TRHDE: variants seen among roughly 807,000 people sequenced by gnomAD.
TRHDE encodes the protein thyrotropin-releasing hormone-degrading ectoenzyme.
A neutral mutation model predicts 125.7 loss-of-function variants in TRHDE; 72 were observed. The observed-to-expected ratio is 0.57, with a 90% CI of 0.47 to 0.70. TRHDE has a LOEUF of 0.70. TRHDE is among the 30% of genes least tolerant of loss of function. The pLI is 0.00. For synonymous variants in TRHDE, 509 were observed against 509.1 expected (o/e 1.00, Z 0.00); for missense variants, 1,110 against 1,327.1 (o/e 0.84, Z 2.54).
intron 2 of TRHDE, among the ~76,000 whole-genome samples, chr12:72,178,432 T>A (rs886414214): frequency 6.6e-6 from 1 of 152,142 alleles, no homozygotes; most frequent in African/African-American, 2.4e-5. Flanking sequence ...AACTGATTTT[T>A]AAAAATCTTG....
At chr12:72,245,870 A>G (rs746597151) in intron 2 of TRHDE, among the ~76,000 whole-genome samples, 2 of 152,114 alleles carry the variant, frequency 1.3e-5, no homozygotes, top group Non-Finnish European at 2.9e-5. Flanking sequence ...TCATACACAT[A>G]CACCTATATT....
Position 72,670,289 on chromosome 12 carries a change from T to G in TRHDE, c.*7094T>G, listed in dbSNP as rs1875216739. On this transcript the variant is annotated 3_prime_UTR_variant, in exon 19 of 19. Transcript: ENST00000261180. ...TTAGCAGATAAATGTTTTCAATGTA[T>G]GCCTTTAAAATTATTCAGTAAAAAT... The G allele has an allele frequency of 6.6e-6, 1 of 151,798 alleles. No homozygotes were observed. Among genetic ancestry groups the G allele is most frequent in the Admixed American group, 6.6e-5 (1 of 15,194 alleles). The allele number at this position is 151,798 out of a possible 1,614,324, so 9.4% of individuals were successfully genotyped here.
At chr12:72,108,751 TAAAAC>T (rs1176086184) in intron 2 of TRHDE, among the ~76,000 whole-genome samples, 1 of 152,034 alleles carries the variant, frequency 6.6e-6, no homozygotes, top group African/African-American at 2.4e-5. Flanking sequence ...TACGGGAACA[TAAAAC>T]AAAATTTGAC....
At chr12:72,604,302 C>G (rs916626250) in intron 12 of TRHDE, among the ~76,000 whole-genome samples, 1 of 151,974 alleles carries the variant, frequency 6.6e-6, no homozygotes, top group African/African-American at 2.4e-5. Flanking sequence ...AATCAAGCAG[C>G]AGGTGTTAAG....
At chr12:72,386,644 A>T (rs144132060) in intron 3 of TRHDE, among the ~76,000 whole-genome samples, 2 of 152,180 alleles carry the variant, frequency 1.3e-5, no homozygotes, top group East Asian at 3.9e-4. Flanking sequence ...GCTTGAAAGG[A>T]TTGTCCATCT....
At chr12:72,089,557 T>C (rs1395525377) in intron 1 of TRHDE, among the ~76,000 whole-genome samples, 3 of 152,206 alleles carry the variant, frequency 2.0e-5, no homozygotes, top group African/African-American at 7.2e-5. Context: ...TAAAATGCTC[T>C]TCCTTCATGT....
intron 2 of TRHDE, among the ~76,000 whole-genome samples, chr12:72,150,763 G>T (rs550779249): frequency 7.9e-5 from 12 of 152,098 alleles, no homozygotes; most frequent in South Asian, 2.1e-4. Context: ...ATTCCATGGT[G>T]TATATGTGCC....
chr12:72,246,958 T>C (rs1428648923), intron 2 of TRHDE, among the ~76,000 whole-genome samples: 5 of 152,226 alleles, frequency 3.3e-5, no homozygotes, highest in African/African-American at 9.6e-5. Context: ...ATCAAAATCA[T>C]GATTAATTCA....
Position 72,520,534 on chromosome 12 carries a change from C to G in TRHDE, c.1722+20899C>G, listed in dbSNP as rs556946595. 1.5e-3 allele frequency among the ~76,000 whole-genome samples: 231 copies of G among 152,280 alleles called. 2 individuals carry two copies. Among genetic ancestry groups the G allele is most frequent in the African/African-American group, 5.4e-3 (225 of 41,572 alleles). ...GTGCGCGCACCCACTGACCTGCGCC[C>G]ACTCTCTGGCACTCCCTAGTGAGAT... On this transcript the variant is annotated intron_variant, in intron 6 of 18. Coordinates refer to ENST00000261180, the MANE Select transcript of TRHDE (RefSeq NM_013381.3).
chr12:72,594,501 A>AGTT (rs1419030111), intron 12 of TRHDE, among the ~76,000 whole-genome samples: 1 of 113,188 alleles, frequency 8.8e-6, no homozygotes, highest in Non-Finnish European at 1.7e-5. Context: ...TACAGATGTG[A>AGTT]GTTTTTTTTT....
At chr12:72,601,119 T>C (rs1872188167) in intron 12 of TRHDE, among the ~76,000 whole-genome samples, 1 of 152,064 alleles carries the variant, frequency 6.6e-6, no homozygotes, top group Non-Finnish European at 1.5e-5. Context: ...ACATTTATGA[T>C]TTATGGGAGG....
At chr12:72,115,181 TTCTA>T (rs1726215819) in intron 2 of TRHDE, among the ~76,000 whole-genome samples, 1 of 152,166 alleles carries the variant, frequency 6.6e-6, no homozygotes, top group South Asian at 2.1e-4. Context: ...ATCTTATTTA[TTCTA>T]TCTAACTATA....
At position 72,166,793 on chromosome 12, in the gene TRHDE, T is replaced by C. The variant is rs138143682; in HGVS notation, n.279+61041T>C. 7.1e-3 allele frequency among the ~76,000 whole-genome samples: 1,077 copies of C among 152,162 alleles called. 6 individuals carry two copies. Among genetic ancestry groups the C allele is most frequent in the Non-Finnish European group, 0.011 (716 of 68,000 alleles). ...GGCTGCTGAAGCATTACAGCTTTGC[T>C]CAGGGGGGTTAATGAAAGACAGAGG... is the stretch of plus-strand genomic sequence containing the variant. On this transcript the variant is annotated intron_variant and non_coding_transcript_variant, in intron 2 of 4. Coordinates refer to the TRHDE transcript ENST00000548156.
intron 3 of TRHDE, among the ~76,000 whole-genome samples, chr12:72,452,048 C>G (rs949103350): frequency 6.6e-6 from 1 of 152,154 alleles, no homozygotes; most frequent in African/African-American, 2.4e-5. Flanking sequence ...AGGCTGGTCT[C>G]AAACTCCTGG....
chr12:72,588,675 A>C (rs1783477493), intron 12 of TRHDE, among the ~76,000 whole-genome samples: 1 of 152,142 alleles, frequency 6.6e-6, no homozygotes, highest in Non-Finnish European at 1.5e-5. Flanking sequence ...CAGGGAGCCT[A>C]GTTAGAAAGG....
chr12:72,267,194 G>A (rs1879087772), intron 2 of TRHDE, among the ~76,000 whole-genome samples: 1 of 151,958 alleles, frequency 6.6e-6, no homozygotes, highest in African/African-American at 2.4e-5. Flanking sequence ...TATGTTTGCA[G>A]GTTTCATGAA....
At chr12:72,393,409 A>G (rs1872677640) in intron 3 of TRHDE, among the ~76,000 whole-genome samples, 1 of 152,160 alleles carries the variant, frequency 6.6e-6, no homozygotes, top group African/African-American at 2.4e-5. Context: ...TGGGCCCAAG[A>G]AAAGTGGTCC....
intron 2 of TRHDE, among the ~76,000 whole-genome samples, chr12:72,374,001 T>C (rs955899238): frequency 5.3e-5 from 8 of 152,030 alleles, no homozygotes; most frequent in Non-Finnish European, 1.0e-4. Flanking sequence ...ACTGTATACA[T>C]AACAGCTTGA....
chr12:72,374,361 T>C (rs1871777732), intron 2 of TRHDE, among the ~76,000 whole-genome samples: 1 of 150,514 alleles, frequency 6.6e-6, no homozygotes, highest in Admixed American at 6.7e-5. Flanking sequence ...TTAGACCTGT[T>C]AAGTTTGAGA....
Sources: allele counts gnomAD v4.1 joint callset (sites outside exome capture counted in the v4.1 genomes callset), GRCh38; gene constraint gnomAD v4.1.1; transcripts MANE v1.5; gene names NCBI Gene and HGNC (gene_info 2026-07-23, HGNC 2026-07-21).